The following FAM135B variants were observed in gnomAD, a reference collection of about 807,000 sequenced individuals.
The protein encoded by FAM135B is family with sequence similarity 135 member B.
In FAM135B, 43 loss-of-function variants were observed where a neutral mutation model predicts 127.7. The ratio of observed to expected loss-of-function variants is 0.34; its 90% CI spans 0.26 to 0.43. FAM135B has a LOEUF of 0.43. Among genes scored for constraint, FAM135B ranks in the 20% least tolerant of loss-of-function variants. The pLI is 1.00. For synonymous variants in FAM135B, 670 were observed against 665.1 expected (o/e 1.01, Z -0.11); for missense variants, 1,558 against 1,725.6 (o/e 0.90, Z 1.72).
intron 2 of FAM135B, among the ~76,000 whole-genome samples, chr8:138,320,417 G>C (rs1827372352): frequency 6.6e-6 from 1 of 152,314 alleles, no homozygotes; most frequent in Non-Finnish European, 1.5e-5. Context: ...GCAAAGCCAG[G>C]TGCTTTAACG....
intron 1 of FAM135B, among the ~76,000 whole-genome samples, chr8:138,488,220 T>C (rs117987242): frequency 1.3e-5 from 2 of 152,280 alleles, no homozygotes; most frequent in East Asian, 3.9e-4. Context: ...TTATTGATGA[T>C]TTCTGCATGT....
At chr8:138,209,709 T>A (rs1817989745) in intron 7 of FAM135B, among the ~76,000 whole-genome samples, 1 of 152,184 alleles carries the variant, frequency 6.6e-6, no homozygotes, top group Non-Finnish European at 1.5e-5. Flanking sequence ...GACTCTGGCT[T>A]CTCACTGGCT....
chr8:138,283,664 T>G (rs921860813), intron 3 of FAM135B, among the ~76,000 whole-genome samples: 4 of 151,894 alleles, frequency 2.6e-5, no homozygotes, highest in African/African-American at 9.7e-5. Context: ...ATGGGAGATG[T>G]TGATAATGGG....
chr8:138,165,777 G>A (rs1346578220), intron 12 of FAM135B, among the ~76,000 whole-genome samples: 1 of 152,104 alleles, frequency 6.6e-6, no homozygotes, highest in Non-Finnish European at 1.5e-5. Context: ...ACGTCTCAGT[G>A]TCATGTTTTA....
intron 2 of FAM135B, among the ~76,000 whole-genome samples, chr8:138,343,287 G>A (rs1829180032): frequency 6.6e-6 from 1 of 152,212 alleles, no homozygotes; most frequent in Non-Finnish European, 1.5e-5. Context: ...CTCTAGAGAC[G>A]TGCAGGCAGG....
chr8:138,394,096 T>C (rs1832735340), intron 1 of FAM135B, among the ~76,000 whole-genome samples: 1 of 152,194 alleles, frequency 6.6e-6, no homozygotes, highest in South Asian at 2.1e-4. Flanking sequence ...ACTGTGGTCC[T>C]TCAGCAAAGT....
chr8:138,236,493 T>C (rs919347282), intron 7 of FAM135B, among the ~76,000 whole-genome samples: 1 of 152,032 alleles, frequency 6.6e-6, no homozygotes, highest in African/African-American at 2.4e-5. Context: ...ATCACAACCT[T>C]CTTTGGTTAA....
At chr8:138,150,130 A>G (rs1373078518) in intron 13 of FAM135B, among the ~76,000 whole-genome samples, 2 of 152,236 alleles carry the variant, frequency 1.3e-5, no homozygotes, top group Non-Finnish European at 2.9e-5. Flanking sequence ...TATTATATAC[A>G]TAATCAGATA....
Position 138,148,638 on chromosome 8 carries a change from T to A in FAM135B, c.3330A>T (p.Gly1110=), listed in dbSNP as rs1414455100. The A allele has an allele frequency of 1.2e-6, 2 of 1,609,740 alleles. No homozygotes were observed. The highest frequency in any genetic ancestry group is 1.7e-6 in the Non-Finnish European group (2 of 1,177,986). Residue 1110 remains glycine (G), a synonymous_variant, in exon 14 of 20, where the codon GGA becomes GGT. Transcript: ENST00000395297. ...GTACAGTTAAGTCACTGTACAGAAA[T>A]CCTTCAATCTTCAGTTCTTTTTTAA... ...EKFKKELKIE[G]FLYSDLTVLA...
intron 3 of FAM135B, among the ~76,000 whole-genome samples, chr8:138,306,758 A>G (rs1037532411): frequency 4.6e-5 from 7 of 151,820 alleles, no homozygotes; most frequent in African/African-American, 1.7e-4. Context: ...AATTTTTTCT[A>G]TTTTTAGTAG....
At position 138,242,850 on chromosome 8, in the gene FAM135B, G is replaced by C. The variant is rs2130378529; in HGVS notation, c.669+92C>G. The C allele has an allele frequency of 6.8e-7, 1 of 1,477,012 alleles. No individual in the cohort carries two copies. Among genetic ancestry groups the C allele is most frequent in the Non-Finnish European group, 9.0e-7 (1 of 1,106,082 alleles). The allele number at this position is 1,477,012 out of a possible 1,614,324, so 91.5% of individuals were successfully genotyped here. On this transcript the variant is annotated intron_variant, in intron 7 of 19. Transcript: ENST00000395297. This position sits in a 1 kb window ranked among gnomAD's most constrained non-coding sequence, Gnocchi z 9.6. ...TCAAATTAGCAAAAATCTCTGAAGG[G>C]GATGTTTCAAAGAAGCATGAATCTC...
intron 11 of FAM135B, among the ~76,000 whole-genome samples, chr8:138,170,099 A>G (rs1820291896): frequency 6.6e-6 from 1 of 152,156 alleles, no homozygotes; most frequent in Non-Finnish European, 1.5e-5. Flanking sequence ...GGCAGGCCTC[A>G]TGGGAGAAGC....
chr8:138,457,668 C>T (rs1464569104), intron 1 of FAM135B, among the ~76,000 whole-genome samples: 1 of 152,130 alleles, frequency 6.6e-6, no homozygotes, highest in African/African-American at 2.4e-5. Context: ...TCATCCATTT[C>T]ATATAAAAAG....
Position 138,141,232 on chromosome 8 carries a change from T to A in FAM135B, c.3756A>T (p.Gly1252=). 6.2e-7 allele frequency: 1 copy of A among 1,614,138 alleles called. No homozygotes were observed. Among genetic ancestry groups the A allele is most frequent in the East Asian group, 2.2e-5 (1 of 44,856 alleles). ...CCAGGGTGCTGTTGTTGTACAGGGT[T>A]CCCAGGTGAGGCCCAGAGAGTGACA... ...TFLSLSGPHL[G]TLYNNSTLVS... Residue 1252 remains glycine (G), a synonymous_variant, in exon 17 of 20, where the codon GGA becomes GGT. Coordinates refer to ENST00000395297, the MANE Select transcript of FAM135B (RefSeq NM_015912.4). This position sits in a 1 kb window ranked among gnomAD's most constrained non-coding sequence, Gnocchi z 4.7.
rs11271386 is a variant in FAM135B at position 138,425,964 on chromosome 8, CATATATATAT to C, written c.-19-57972_-19-57963del. ...AGGAGTTCGAGACCAGCCAGGCCAA[CATATATATAT>C]ATATATATATATATATATATATATA... is the stretch of plus-strand genomic sequence containing the variant. On this transcript the variant is annotated intron_variant, in intron 1 of 19. Transcript: ENST00000395297. 3.1e-3 allele frequency among the ~76,000 whole-genome samples: 338 copies of C among 109,992 alleles called. 10 individuals carry two copies. The highest frequency in any genetic ancestry group is 0.021 in the Admixed American group (194 of 9,390). 72.2% of individuals were successfully genotyped at this position (109,992 alleles called of 152,430 possible).
intron 1 of FAM135B, among the ~76,000 whole-genome samples, chr8:138,395,237 A>T (rs1243212412): frequency 1.3e-5 from 2 of 152,306 alleles, no homozygotes; most frequent in Non-Finnish European, 2.9e-5. Context: ...CCCTGTCATT[A>T]TCTCTCCTCT....
chr8:138,409,027 T>C (rs1833698465), intron 1 of FAM135B, among the ~76,000 whole-genome samples: 1 of 152,200 alleles, frequency 6.6e-6, no homozygotes, highest in Admixed American at 6.5e-5. Context: ...ACCTTTTCCC[T>C]TATATTTACA....
chr8:138,316,465 G>A (rs1375242294), intron 2 of FAM135B, among the ~76,000 whole-genome samples: 1 of 151,082 alleles, frequency 6.6e-6, no homozygotes, highest in African/African-American at 2.5e-5. Context: ...CAGCACTCCC[G>A]CCTGGGCGAC....
At chr8:138,137,777 C>T (rs1816788626) in intron 18 of FAM135B, among the ~76,000 whole-genome samples, 1 of 152,186 alleles carries the variant, frequency 6.6e-6, no homozygotes, top group Non-Finnish European at 1.5e-5. Context: ...GTCTTGCCTT[C>T]CTGCAATCTG....
Sources: gnomAD v4.1 joint callset for allele counts (sites outside exome capture counted in the v4.1 genomes callset) on GRCh38, gnomAD v4.1.1 for gene constraint, Gnocchi (gnomAD v3.1) non-coding constraint, MANE v1.5 for transcripts, NCBI Gene and HGNC (gene_info 2026-07-23, HGNC 2026-07-21) for gene names.